The following PARD3 variants were observed in gnomAD, a reference collection of about 807,000 sequenced individuals.
PARD3 encodes the protein partitioning defective 3 homolog.
Under a neutral mutation model 155.4 loss-of-function variants are expected in PARD3, and 75 were observed. The ratio of observed to expected loss-of-function variants is 0.48; its 90% CI spans 0.40 to 0.58. PARD3 has a LOEUF of 0.58. Among genes scored for constraint, PARD3 ranks in the 20% least tolerant of loss-of-function variants. The probability of loss-of-function intolerance (pLI) is 0.00; values close to 1 mark genes in which losing one functional copy is unlikely to be tolerated. For synonymous variants in PARD3, 576 were observed against 610.5 expected, an observed-to-expected ratio of 0.94 and a Z score of 0.83; for missense variants, 1,642 against 1,721.7, an observed-to-expected ratio of 0.95 and a Z score of 0.82.
intron 1 of PARD3, among the ~76,000 whole-genome samples, chr10:34,721,517 G>A (rs2094605814): frequency 6.6e-6 from 1 of 152,236 alleles, no homozygotes; most frequent in Non-Finnish European, 1.5e-5. Flanking sequence ...AATACCCTGA[G>A]AGGGGCTCCA....
chr10:34,767,313 G>A (rs1277118765), intron 1 of PARD3, among the ~76,000 whole-genome samples: 1 of 152,100 alleles, frequency 6.6e-6, no homozygotes, highest in Non-Finnish European at 1.5e-5. Flanking sequence ...AGGGACAGGT[G>A]GAGTGCCACC....
intron 4 of PARD3, among the ~76,000 whole-genome samples, chr10:34,462,389 G>A (rs2077706026): frequency 6.6e-6 from 1 of 151,696 alleles, no homozygotes; most frequent in African/African-American, 2.4e-5. Context: ...TGTATTTTGT[G>A]GTTTAAAATA....
At chr10:34,145,217 A>AT (rs1387505653) in intron 22 of PARD3, among the ~76,000 whole-genome samples, 3 of 57,964 alleles carry the variant, frequency 5.2e-5, no homozygotes, top group African/African-American at 9.4e-5. Context: ...ATATATATAT[A>AT]TATATTTTTT....
At chr10:34,639,258 T>G (rs539212326) in intron 2 of PARD3, among the ~76,000 whole-genome samples, 2 of 152,116 alleles carry the variant, frequency 1.3e-5, no homozygotes, top group East Asian at 3.9e-4. Flanking sequence ...TAGCCAGGCA[T>G]GGTGGCACGT....
intron 2 of PARD3, among the ~76,000 whole-genome samples, chr10:34,572,640 CAA>C (rs1197487501): frequency 1.0e-4 from 7 of 69,636 alleles, no homozygotes; most frequent in Admixed American, 1.7e-4. Context: ...GACTCTGTCT[CAA>C]AAAAAAAAAA....
At chr10:34,601,502 C>A (rs571582126) in intron 2 of PARD3, among the ~76,000 whole-genome samples, 1 of 152,264 alleles carries the variant, frequency 6.6e-6, no homozygotes, top group Non-Finnish European at 1.5e-5. Context: ...TTACATGACA[C>A]AAATGTAACT....
chr10:34,648,895 G>A (rs1309307164), intron 2 of PARD3, among the ~76,000 whole-genome samples: 2 of 152,116 alleles, frequency 1.3e-5, no homozygotes, highest in Admixed American at 6.6e-5. Flanking sequence ...CTGGGGAATG[G>A]CCAGGATAAA....
intron 2 of PARD3, among the ~76,000 whole-genome samples, chr10:34,550,613 A>G (rs2084471461): frequency 6.6e-6 from 1 of 152,340 alleles, no homozygotes; most frequent in African/African-American, 2.4e-5. Context: ...TTTCAAGGAA[A>G]TCATTGTTCA....
At chr10:34,622,937 C>CTTT (rs1413759828) in intron 2 of PARD3, among the ~76,000 whole-genome samples, 5 of 150,124 alleles carry the variant, frequency 3.3e-5, no homozygotes, top group Non-Finnish European at 5.9e-5. Context: ...TTTTCAGGAC[C>CTTT]TTTTTCCCCA....
chr10:34,335,618 A>T (rs532621039), intron 18 of PARD3, among the ~76,000 whole-genome samples: 14 of 152,200 alleles, frequency 9.2e-5, no homozygotes, highest in African/African-American at 3.4e-4. Flanking sequence ...ATTTAGAACA[A>T]GCTCACAAAG....
intron 22 of PARD3, among the ~76,000 whole-genome samples, chr10:34,222,836 G>T (rs1232416961): frequency 6.6e-6 from 1 of 152,120 alleles, no homozygotes; most frequent in East Asian, 1.9e-4. Flanking sequence ...AAACAAAACC[G>T]CTCTCTTAAG....
Position 34,111,080 on chromosome 10 carries a change from A to C in PARD3, c.*89T>G. 7.2e-7 allele frequency: 1 copy of C among 1,387,910 alleles called. No individual in the cohort carries two copies. The allele number at this position is 1,387,910 out of a possible 1,614,324, so 86.0% of individuals were successfully genotyped here. On this transcript the variant is annotated 3_prime_UTR_variant, in exon 25 of 25. Coordinates refer to ENST00000374788, the MANE Select transcript of PARD3 (RefSeq NM_001184785.2). ...AACAACAGAAATACTCCATAGTACC[A>C]TCGAGGTTTTAAAAAAACTCCCAAA...
chr10:34,712,415 T>C (rs988001049), intron 1 of PARD3, among the ~76,000 whole-genome samples: 2 of 152,192 alleles, frequency 1.3e-5, no homozygotes, highest in African/African-American at 2.4e-5. Flanking sequence ...TCCATTCCAT[T>C]CCTTCACCCT....
chr10:34,244,406 A>G (rs147993531), intron 22 of PARD3, among the ~76,000 whole-genome samples: 25 of 152,344 alleles, frequency 1.6e-4, no homozygotes, highest in Admixed American at 3.3e-4. Flanking sequence ...AAGAAAACAC[A>G]GACGAACAGA....
intron 2 of PARD3, among the ~76,000 whole-genome samples, chr10:34,552,729 A>G (rs2084686441): frequency 6.8e-6 from 1 of 147,352 alleles, no homozygotes. Context: ...AAAAAAAAAA[A>G]TCTAAATTTA....
chr10:34,244,267 AAC>A (rs1343344468), intron 22 of PARD3, among the ~76,000 whole-genome samples: 2 of 152,338 alleles, frequency 1.3e-5, no homozygotes, highest in East Asian at 3.9e-4. Flanking sequence ...GTTTACTATA[AAC>A]AGACATCTCA....
intron 2 of PARD3, among the ~76,000 whole-genome samples, chr10:34,556,098 A>T (rs1272475224): frequency 6.6e-6 from 1 of 152,224 alleles, no homozygotes; most frequent in East Asian, 1.9e-4. Flanking sequence ...AGAATAAAGC[A>T]GAAGCCCTGA....
chr10:34,684,615 C>CCTGGTTCCAGAAAACCTGCTGACTGGCCT (rs2093909800), intron 2 of PARD3, among the ~76,000 whole-genome samples: 1 of 152,080 alleles, frequency 6.6e-6, no homozygotes, highest in Non-Finnish European at 1.5e-5. Flanking sequence ...GCATTCGAAT[C>CCTGGTTCCAGAAAACCTGCTGACTGGCCT]CTGGTTCCAG....
At chr10:34,589,233 TA>T (rs138269063) in intron 2 of PARD3, among the ~76,000 whole-genome samples, 1 of 152,206 alleles carries the variant, frequency 6.6e-6, no homozygotes, top group Non-Finnish European at 1.5e-5. Context: ...AGTGTACCCT[TA>T]AATTCATTTA....
Sources: gnomAD v4.1 joint callset for allele counts (sites outside exome capture counted in the v4.1 genomes callset) on GRCh38, gnomAD v4.1.1 for gene constraint, MANE v1.5 for transcripts, NCBI Gene and HGNC (gene_info 2026-07-23, HGNC 2026-07-21) for gene names.